ADAM20: variants seen among roughly 807,000 people sequenced by gnomAD.
ADAM20 encodes ADAM metallopeptidase domain 20.
For missense variants in ADAM20, 871 were observed against 883.2 expected (o/e 0.99, Z 0.18); for synonymous variants, 305 against 310.2 (o/e 0.98, Z 0.18).
chr14:70,562,146 G>T, the ADAM20 span, among the ~76,000 whole-genome samples: 1 of 152,254 alleles, frequency 6.6e-6, no homozygotes, highest in African/African-American at 2.4e-5. Context: ...GGGCAGAGCT[G>T]CCCAAGGCCT....
In ADAM20 at chr14:70,523,200, C is replaced by G; in HGVS notation, c.1558G>C (p.Gly520Arg). The G allele has an allele frequency of 1.2e-6, 2 of 1,613,922 alleles. No homozygotes were observed. Among genetic ancestry groups the G allele is most frequent in the Middle Eastern group, 1.7e-4 (1 of 6,056 alleles). The change falls in exon 2 of 2, where the codon GGC becomes CGC. Residue 520 changes from glycine to arginine, a missense_variant. Gly to Arg is a moderately radical substitution (Grantham distance 125, BLOSUM62 -2). Coordinates refer to ENST00000256389, the MANE Select transcript of ADAM20 (RefSeq NM_003814.5). Reference protein sequence around the residue: ...NHDIQCKEIFGQDARSASQSC... With the variant: ...NHDIQCKEIFRQDARSASQSC... ...TGAGATGCACTCCTTGCATCTTGGC[C>G]AAAAATCTCTTTACATTGTATATCA... is the stretch of plus-strand genomic sequence containing the variant.
chr14:70,559,400 A>G, the ADAM20 span, among the ~76,000 whole-genome samples: 1 of 151,642 alleles, frequency 6.6e-6, no homozygotes, highest in Non-Finnish European at 1.5e-5. Flanking sequence ...CACCATCCCC[A>G]TCATTATCAC....
the ADAM20 span, among the ~76,000 whole-genome samples, chr14:70,568,641 T>G: frequency 6.6e-6 from 1 of 151,906 alleles, no homozygotes; most frequent in Admixed American, 6.6e-5. Flanking sequence ...GAAAAATAAT[T>G]CAGGGTATGA....
the ADAM20 span, among the ~76,000 whole-genome samples, chr14:70,561,375 G>C: frequency 6.6e-6 from 1 of 152,208 alleles, no homozygotes. Context: ...TGTGAAATTG[G>C]AACTTGTATT....
At chr14:70,564,879 T>C in the ADAM20 span, among the ~76,000 whole-genome samples, 16 of 149,854 alleles carry the variant, frequency 1.1e-4, no homozygotes, top group African/African-American at 3.7e-4. Flanking sequence ...AGACCCCTTG[T>C]ATAAAAAAAT....
intron 1 of ADAM20, among the ~76,000 whole-genome samples, chr14:70,527,360 CTG>C (rs991149424): frequency 1.3e-5 from 2 of 152,180 alleles, no homozygotes; most frequent in African/African-American, 4.8e-5. Flanking sequence ...ATTGACTCAA[CTG>C]TCAGATTTAT....
At chr14:70,566,042 A>G in the ADAM20 span, among the ~76,000 whole-genome samples, 2 of 152,194 alleles carry the variant, frequency 1.3e-5, no homozygotes, top group Non-Finnish European at 2.9e-5. Flanking sequence ...CATCACCACT[A>G]TGTTTACCTT....
At chr14:70,576,743 G>A in the ADAM20 span, among the ~76,000 whole-genome samples, 11 of 152,198 alleles carry the variant, frequency 7.2e-5, no homozygotes, top group Non-Finnish European at 1.3e-4. Context: ...AGGGACATGA[G>A]GGGGAAGGAG....
chr14:70,564,384 C>A, the ADAM20 span, among the ~76,000 whole-genome samples: 1 of 152,232 alleles, frequency 6.6e-6, no homozygotes, highest in African/African-American at 2.4e-5. Flanking sequence ...AATGACTGGA[C>A]CAGCCAGGAA....
At chr14:70,564,550 A>G in the ADAM20 span, among the ~76,000 whole-genome samples, 5 of 152,322 alleles carry the variant, frequency 3.3e-5, no homozygotes, top group African/African-American at 1.2e-4. Flanking sequence ...ATAGATCTCT[A>G]CCAACTCACC....
At chr14:70,570,018 A>G in the ADAM20 span, among the ~76,000 whole-genome samples, 1 of 151,984 alleles carries the variant, frequency 6.6e-6, no homozygotes, top group Non-Finnish European at 1.5e-5. Flanking sequence ...TCATCTGTAC[A>G]TGCAACATTC....
the ADAM20 span, among the ~76,000 whole-genome samples, chr14:70,575,715 G>C: frequency 3.3e-5 from 5 of 152,280 alleles, no homozygotes; most frequent in East Asian, 9.6e-4. Context: ...GCTGTTCAAA[G>C]TGAGATCTGA....
At chr14:70,546,316 G>A in the ADAM20 span, among the ~76,000 whole-genome samples, 9 of 152,290 alleles carry the variant, frequency 5.9e-5, no homozygotes, top group South Asian at 1.7e-3. Context: ...GTGCACCCAT[G>A]ACACAGTGTC....
the ADAM20 span, among the ~76,000 whole-genome samples, chr14:70,542,271 T>C: frequency 6.6e-6 from 1 of 152,196 alleles, no homozygotes; most frequent in Admixed American, 6.5e-5. Flanking sequence ...TAGTTACATA[T>C]ATAAGTTCAA....
chr14:70,553,487 C>G, the ADAM20 span, among the ~76,000 whole-genome samples: 1 of 135,440 alleles, frequency 7.4e-6, no homozygotes, highest in South Asian at 2.3e-4. Context: ...AAGAGAACCA[C>G]AGGCCAATAA....
At chr14:70,574,456 C>T in the ADAM20 span, among the ~76,000 whole-genome samples, 16 of 151,628 alleles carry the variant, frequency 1.1e-4, no homozygotes, top group South Asian at 2.1e-4. Flanking sequence ...CTGGCTAACA[C>T]GGTGAAACTC....
At chr14:70,525,447 C>G (rs1883570090) in intron 1 of ADAM20, among the ~76,000 whole-genome samples, 1 of 152,026 alleles carries the variant, frequency 6.6e-6, no homozygotes. Context: ...GTCTCAAACT[C>G]CTGGTCTCAA....
the ADAM20 span, among the ~76,000 whole-genome samples, chr14:70,562,153 G>A: frequency 6.6e-6 from 1 of 152,256 alleles, no homozygotes; most frequent in Non-Finnish European, 1.5e-5. Flanking sequence ...GCTGCCCAAG[G>A]CCTTGGGAGC....
the ADAM20 span, among the ~76,000 whole-genome samples, chr14:70,542,003 A>G: frequency 2.6e-5 from 4 of 152,054 alleles, no homozygotes; most frequent in Non-Finnish European, 5.9e-5. Flanking sequence ...GGATTTTGAT[A>G]AAAAGTAGGA....
Sources: gnomAD v4.1 joint callset for allele counts (sites outside exome capture counted in the v4.1 genomes callset) on GRCh38, gnomAD v4.1.1 for gene constraint, MANE v1.5 for transcripts, NCBI Gene and HGNC (gene_info 2026-07-23, HGNC 2026-07-21) for gene names.